Variants in PRDM6 observed in about 807,000 individuals in gnomAD.
PRDM6 encodes the protein putative histone-lysine N-methyltransferase PRDM6.
PRDM6 carries 25 observed loss-of-function variants against 60.8 expected under a neutral mutation model. That is an observed-to-expected ratio of 0.41 (90% confidence interval 0.30 to 0.57). The LOEUF is 0.57. Ranked by LOEUF, PRDM6 falls within the 20% of genes least tolerant of loss-of-function variation. PRDM6 has a pLI of 0.27. For synonymous variants in PRDM6, 407 were observed against 357.4 expected (o/e 1.14, Z -1.57); for missense variants, 839 against 821.3 (o/e 1.02, Z -0.26).
intron 5 of PRDM6, among the ~76,000 whole-genome samples, chr5:123,168,242 G>A (rs781471366): frequency 1.1e-4 from 16 of 152,030 alleles, no homozygotes; most frequent in Non-Finnish European, 2.2e-4. Flanking sequence ...ACATACGTAC[G>A]TAGGTGTATA....
At chr5:123,183,403 T>G (rs1413596666) in intron 7 of PRDM6, among the ~76,000 whole-genome samples, 1 of 152,140 alleles carries the variant, frequency 6.6e-6, no homozygotes, top group African/African-American at 2.4e-5. Context: ...TGAAGGCATA[T>G]CAAGATTACT....
intron 3 of PRDM6, among the ~76,000 whole-genome samples, chr5:123,130,586 C>G (rs1052434215): frequency 5.5e-5 from 8 of 145,892 alleles, no homozygotes; most frequent in African/African-American, 2.0e-4. Context: ...TCTTTTGAGA[C>G]AGAGTTTCTT....
At chr5:123,148,832 T>C (rs1313208369) in intron 3 of PRDM6, among the ~76,000 whole-genome samples, 2 of 152,210 alleles carry the variant, frequency 1.3e-5, no homozygotes, top group Non-Finnish European at 2.9e-5. Flanking sequence ...GGAAGAGCTC[T>C]ACATTTCTCT....
intron 3 of PRDM6, among the ~76,000 whole-genome samples, chr5:123,103,522 C>G (rs2150209503): frequency 6.6e-6 from 1 of 152,050 alleles, no homozygotes; most frequent in Middle Eastern, 3.4e-3. Flanking sequence ...GCAATTAGGT[C>G]TTATTGATGA....
At chr5:123,168,925 G>C (rs560349745) in intron 5 of PRDM6, among the ~76,000 whole-genome samples, 1 of 152,166 alleles carries the variant, frequency 6.6e-6, no homozygotes, top group African/African-American at 2.4e-5. Flanking sequence ...ACAGAGCTTC[G>C]TGGCAGTCAT....
At chr5:123,146,245 C>A (rs764926302) in intron 3 of PRDM6, among the ~76,000 whole-genome samples, 4 of 152,068 alleles carry the variant, frequency 2.6e-5, no homozygotes, top group Non-Finnish European at 5.9e-5. Flanking sequence ...GGTATTGTAC[C>A]CACTAGACTA....
intron 3 of PRDM6, among the ~76,000 whole-genome samples, chr5:123,146,598 ATGT>A (rs145595881): frequency 7.2e-5 from 11 of 152,082 alleles, no homozygotes; most frequent in East Asian, 5.8e-4. Context: ...CATATGTAGC[ATGT>A]TGTTGTTGTT....
rs763098093 is a variant in PRDM6, at chr5:123,099,573, C to A, written c.593-81C>A. On this transcript the variant is annotated intron_variant, in intron 2 of 7. Coordinates refer to ENST00000407847, the MANE Select transcript of PRDM6 (RefSeq NM_001136239.4). This position sits in a 1 kb window ranked among gnomAD's most constrained non-coding sequence, Gnocchi z 4.0. Reference sequence around the variant, plus strand: ...CAGGCGGGCGGTGATGCTGTTGTCTCGGGAGTTTACTCAAAGATGGGCCGC... The same window carrying A: ...CAGGCGGGCGGTGATGCTGTTGTCTAGGGAGTTTACTCAAAGATGGGCCGC... 46 of 1,301,978 alleles carry A rather than the reference C, an allele frequency of 3.5e-5. No homozygotes were observed. The highest frequency in any genetic ancestry group is 4.7e-5 in the Non-Finnish European group (46 of 984,676). The allele number at this position is 1,301,978 out of a possible 1,614,324, so 80.7% of individuals were successfully genotyped here. A position where few individuals can be genotyped will look rare whatever the true frequency, so the allele number is the denominator to read the frequency against.
chr5:123,099,277 T>C lies in PRDM6; in HGVS notation c.593-377T>C, dbSNP rs776376634. Among the ~76,000 whole-genome samples the C allele has an allele frequency of 6.6e-6, 1 of 151,090 alleles. No homozygotes were observed. Among genetic ancestry groups the C allele is most frequent in the African/African-American group, 2.4e-5 (1 of 40,980 alleles). ...GAGGGTCAGAAGGAACGAGAGACAG[T>C]AGGGAAGAGAGAGAGAGAGACAGAG... On this transcript the variant is annotated intron_variant, in intron 2 of 7. Transcript: ENST00000407847. This position sits in a 1 kb window ranked among gnomAD's most constrained non-coding sequence, Gnocchi z 4.0.
Position 123,170,980 on chromosome 5 carries a change from C to T in PRDM6, c.1368C>T (p.Ser456=), listed in dbSNP as rs1286455519. 3 of 1,551,694 alleles carry T rather than the reference C, an allele frequency of 1.9e-6. No individual in the cohort carries two copies. Among genetic ancestry groups the T allele is most frequent in the Middle Eastern group, 1.7e-4 (1 of 6,014 alleles). Residue 456 remains serine (S), a synonymous_variant, in exon 6 of 8, where the codon AGC becomes AGT. Transcript: ENST00000407847. ...INVKNQRVLA[S]PTSTSQLHSE... ...TGAAAAACCAGCGAGTCCTGGCAAG[C>T]CCAACTTCCACAAGCCAGCTCCACT...
chr5:123,179,476 T>C (rs142342233), intron 6 of PRDM6, among the ~76,000 whole-genome samples: 1 of 152,238 alleles, frequency 6.6e-6, no homozygotes, highest in Non-Finnish European at 1.5e-5. Context: ...TGGGTGTACA[T>C]CTGTGTTCAT....
chr5:123,187,219 A>G lies in PRDM6; in HGVS notation c.*18A>G, dbSNP rs1368426495. ...TGGATTAACGGATTGACTGGTTGGA[A>G]TTAAACTGCAAGGAAAGTCATGATT... is the stretch of plus-strand genomic sequence containing the variant. On this transcript the variant is annotated 3_prime_UTR_variant, in exon 8 of 8. Transcript: ENST00000407847. 2 of 1,514,272 alleles carry G rather than the reference A, an allele frequency of 1.3e-6. No individual in the cohort carries two copies. Among genetic ancestry groups the G allele is most frequent in the South Asian group, 2.4e-5 (2 of 83,166 alleles). The allele number at this position is 1,514,272 out of a possible 1,614,324, so 93.8% of individuals were successfully genotyped here. A position where few individuals can be genotyped will look rare whatever the true frequency, so the allele number is the denominator to read the frequency against.
chr5:123,130,049 C>CCCTTCTCTTTCCTTT (rs1371796979), intron 3 of PRDM6, among the ~76,000 whole-genome samples: 1 of 142,706 alleles, frequency 7.0e-6, no homozygotes, highest in African/African-American at 2.6e-5. Flanking sequence ...TCCTTTCCTT[C>CCCTTCTCTTTCCTTT]CCTTCTCTTT....
At chr5:123,155,785 T>G in intron 3 of PRDM6, 99 bp from the exon 4 acceptor site, 2 of 1,390,342 alleles carry the variant, frequency 1.4e-6, no homozygotes, top group Admixed American at 4.9e-5. Flanking sequence ...CTAAGGGCAA[T>G]AAATTTCTGC....
At position 123,099,636 on chromosome 5, in the gene PRDM6, C is replaced by T; in HGVS notation, c.593-18C>T. ...GATTAACCCGCTCCCTTCCCTTCCT[C>T]CTTCTTGTCTCCCGCAGGTTGCGAC... On this transcript the variant is annotated intron_variant, in intron 2 of 7. Transcript: ENST00000407847. This position sits in a 1 kb window ranked among gnomAD's most constrained non-coding sequence, Gnocchi z 4.0. The T allele has an allele frequency of 6.9e-7, 1 of 1,445,120 alleles. No homozygotes were observed. Among genetic ancestry groups the T allele is most frequent in the South Asian group, 1.5e-5 (1 of 66,052 alleles). The allele number at this position is 1,445,120 out of a possible 1,614,324, so 89.5% of individuals were successfully genotyped here. A position where few individuals can be genotyped will look rare whatever the true frequency, so the allele number is the denominator to read the frequency against.
chr5:123,152,095 A>T (rs1051375064), intron 3 of PRDM6, among the ~76,000 whole-genome samples: 8 of 152,164 alleles, frequency 5.3e-5, no homozygotes, highest in African/African-American at 1.9e-4. Context: ...GGCATCTGGG[A>T]AGCACAGGAG....
chr5:123,162,453 G>C (rs990371494), intron 5 of PRDM6, among the ~76,000 whole-genome samples: 7 of 152,134 alleles, frequency 4.6e-5, no homozygotes, highest in African/African-American at 7.2e-5. Flanking sequence ...AAGCATTCTT[G>C]AGATTGATGA....
intron 5 of PRDM6, among the ~76,000 whole-genome samples, chr5:123,168,675 G>A (rs955173132): frequency 6.6e-6 from 1 of 152,204 alleles, no homozygotes; most frequent in African/African-American, 2.4e-5. Flanking sequence ...AGTACCCAAG[G>A]TTAAGAACTG....
chr5:123,100,016 G>A, intron 3 of PRDM6, 55 bp downstream of exon 3: 1 of 1,439,256 alleles, frequency 6.9e-7, no homozygotes, highest in Non-Finnish European at 9.2e-7. Context: ...TGGCCAGCAG[G>A]GAGCCTTGGC....
Sources: gnomAD v4.1 joint callset for allele counts (sites outside exome capture counted in the v4.1 genomes callset) on GRCh38, gnomAD v4.1.1 for gene constraint, Gnocchi (gnomAD v3.1) non-coding constraint, MANE v1.5 for transcripts, NCBI Gene and HGNC (gene_info 2026-07-23, HGNC 2026-07-21) for gene names.